FBN1: variants seen among roughly 807,000 people sequenced by gnomAD.
FBN1 encodes fibrillin 1, also known as fibrillin-1.
Under a neutral mutation model 365.1 loss-of-function variants are expected in FBN1, and 29 were observed. That is an observed-to-expected ratio of 0.08 (90% CI 0.06 to 0.11). The LOEUF (loss-of-function observed/expected upper bound fraction) is 0.11. Ranked by LOEUF, FBN1 falls within the 10% of genes least tolerant of loss-of-function variation. The pLI is 1.00. For missense variants in FBN1, 2,476 were observed against 3,703.2 expected (o/e 0.67, Z 8.60); for synonymous variants, 1,210 against 1,270.5 (o/e 0.95, Z 1.01).
At chr15:48,505,182 T>C in intron 15 of FBN1, 35 bp from the exon 16 acceptor site, 1 of 1,613,450 alleles carries the variant, frequency 6.2e-7, no homozygotes, top group Non-Finnish European at 8.5e-7. Context: ...AAAAATGAAG[T>C]GACATTTATC....
In FBN1 at chr15:48,410,901, T is replaced by C; in HGVS notation, c.*89A>G. On this transcript the variant is annotated 3_prime_UTR_variant, in exon 66 of 66. Transcript: ENST00000316623. ...AATTTACTTGGTGAAAGATTGTACC[T>C]ATGATATGATGATTCTGATTGGGGG... 3 of 1,233,146 alleles carry C rather than the reference T, an allele frequency of 2.4e-6. No individual in the cohort carries two copies. The highest frequency in any genetic ancestry group is 3.5e-6 in the Non-Finnish European group (3 of 863,824). 76.4% of individuals were successfully genotyped at this position (1,233,146 alleles called of 1,614,324 possible).
chr15:48,524,341 CT>C (rs2141341031), intron 9 of FBN1, among the ~76,000 whole-genome samples: 1 of 152,296 alleles, frequency 6.6e-6, no homozygotes, highest in South Asian at 2.1e-4. Context: ...CTGCATACCA[CT>C]ATCTACATAG....
At chr15:48,571,614 G>C (rs2044306061) in intron 6 of FBN1, among the ~76,000 whole-genome samples, 1 of 152,100 alleles carries the variant, frequency 6.6e-6, no homozygotes, top group Non-Finnish European at 1.5e-5. Flanking sequence ...GAATAAGCAA[G>C]GATTTTTCTT....
chr15:48,432,772 T>G lies in FBN1; in HGVS notation c.6739+94A>C. On this transcript the variant is annotated intron_variant, in intron 55 of 65. Transcript: ENST00000316623. ...GTCCACGGACTATTTATATTCCAAT[T>G]CCCAGCCTTCTCCTACTAAGGGAAG... 4 of 1,495,288 alleles carry G rather than the reference T, an allele frequency of 2.7e-6. 1 individual carries two copies. In the South Asian group the frequency reaches 4.5e-5, roughly 17 times the overall value. The allele number at this position is 1,495,288 out of a possible 1,614,324, so 92.6% of individuals were successfully genotyped here.
In FBN1 at chr15:48,456,874, G is replaced by A. The variant is rs138943070; in HGVS notation, c.5297-112C>T. The A allele has an allele frequency of 1.1e-3, 1,163 of 1,066,160 alleles. 14 individuals are homozygous for A. The African/African-American group carries it at 0.016, about 15-fold the overall frequency. 66.0% of individuals were successfully genotyped at this position (1,066,160 alleles called of 1,614,324 possible). On this transcript the variant is annotated intron_variant, in intron 43 of 65. Transcript: ENST00000316623. ...TGTGTGTGTGTGTGTGTGTGTGTGC[G>A]TGCATGTGTTGGGGTGGTGGTGATG...
Position 48,441,884 on chromosome 15 carries a change from G to A in FBN1, c.6038-38C>T, listed in dbSNP as rs113682441. The A allele has an allele frequency of 3.0e-5, 49 of 1,609,382 alleles. No individual in the cohort carries two copies. In the African/African-American group the frequency reaches 3.1e-4, roughly 10 times the overall value. ...CATGAGTCAAACAAAGTCAAAACACGATGGAGACATCATCAGGTACCAAAC... is the reference window on the plus strand; with the variant it reads ...CATGAGTCAAACAAAGTCAAAACACAATGGAGACATCATCAGGTACCAAAC... On this transcript the variant is annotated intron_variant, in intron 49 of 65. Coordinates refer to ENST00000316623, the MANE Select transcript of FBN1 (RefSeq NM_000138.5).
intron 24 of FBN1, among the ~76,000 whole-genome samples, chr15:48,491,131 C>T (rs1240356787): frequency 6.6e-6 from 1 of 152,152 alleles, no homozygotes; most frequent in Non-Finnish European, 1.5e-5. Flanking sequence ...AGAAGATTCT[C>T]ATTAAATACT....
At chr15:48,625,768 G>C (rs1328615960) in intron 2 of FBN1, among the ~76,000 whole-genome samples, 6 of 152,170 alleles carry the variant, frequency 3.9e-5, no homozygotes, top group Non-Finnish European at 8.8e-5. Flanking sequence ...ATCCTATTTG[G>C]TGACTTTAGT....
chr15:48,456,841 T>TGA, intron 43 of FBN1, 79 bp from the exon 44 acceptor site: 3 of 1,297,968 alleles, frequency 2.3e-6, no homozygotes, highest in Non-Finnish European at 3.2e-6. Context: ...GGAAAGTGCG[T>TGA]GCGTGTGTGT....
At chr15:48,426,238 A>C (rs1175817933) in intron 58 of FBN1, among the ~76,000 whole-genome samples, 1 of 152,226 alleles carries the variant, frequency 6.6e-6, no homozygotes, top group East Asian at 1.9e-4. Flanking sequence ...AATGAATCAC[A>C]GAAGCAGATC....
At chr15:48,434,916 C>A (rs2141237433) in intron 53 of FBN1, among the ~76,000 whole-genome samples, 1 of 152,258 alleles carries the variant, frequency 6.6e-6, no homozygotes. Flanking sequence ...CATGCCTCAG[C>A]CTCCTGAGTA....
At chr15:48,488,558 C>G in intron 25 of FBN1, 65 bp from the exon 26 acceptor site, 1 of 1,572,378 alleles carries the variant, frequency 6.4e-7, no homozygotes, top group Non-Finnish European at 8.7e-7. Flanking sequence ...GGTCTCAATG[C>G]CCACCATTTT....
chr15:48,607,527 TA>T (rs11417261), intron 4 of FBN1, among the ~76,000 whole-genome samples: 29 of 146,526 alleles, frequency 2.0e-4, no homozygotes, highest in Middle Eastern at 3.5e-3. Context: ...AGTATCCTTA[TA>T]AAAAAAAAAG....
In FBN1 at chr15:48,463,032, T is replaced by C. The variant is rs772418637; in HGVS notation, c.5224+50A>G. 1.2e-5 allele frequency: 18 copies of C among 1,555,570 alleles called. No individual in the cohort carries two copies. The African/African-American group carries it at 1.2e-4, about 11-fold the overall frequency. On this transcript the variant is annotated intron_variant, in intron 42 of 65. Transcript: ENST00000316623. Reference sequence around the variant, plus strand: ...TAAGACTGATTTCCCCAACAATTCATGGGTAATTTTTCAACCTATATTTTT... The same window carrying C: ...TAAGACTGATTTCCCCAACAATTCACGGGTAATTTTTCAACCTATATTTTT...
At chr15:48,473,888 A>T (rs548584910) in intron 34 of FBN1, among the ~76,000 whole-genome samples, 1 of 152,342 alleles carries the variant, frequency 6.6e-6, no homozygotes, top group Admixed American at 6.5e-5. Context: ...CATTATATAC[A>T]GTCATATAAT....
chr15:48,421,141 C>T (rs1020938001), intron 62 of FBN1, among the ~76,000 whole-genome samples: 8 of 151,846 alleles, frequency 5.3e-5, no homozygotes, highest in African/African-American at 1.9e-4. Flanking sequence ...AAGCCACAGT[C>T]AACTTCTAAA....
At chr15:48,612,931 G>A in intron 3 of FBN1, 79 bp downstream of exon 3, 1 of 1,012,772 alleles carries the variant, frequency 9.9e-7, no homozygotes, top group Non-Finnish European at 1.6e-6. Flanking sequence ...AGTTACAAAA[G>A]GCCACATTCT....
chr15:48,572,711 C>G (rs1157455411), intron 6 of FBN1, among the ~76,000 whole-genome samples: 11 of 152,010 alleles, frequency 7.2e-5, no homozygotes, highest in Admixed American at 6.6e-5. Context: ...AACTCTAGCA[C>G]AAATTCATGA....
intron 10 of FBN1, among the ~76,000 whole-genome samples, chr15:48,518,056 G>T (rs927188871): frequency 6.6e-6 from 1 of 152,138 alleles, no homozygotes; most frequent in Admixed American, 6.5e-5. Flanking sequence ...TATGTTTTCA[G>T]ATAATTCTCT....
Sources: gnomAD v4.1 joint callset for allele counts (sites outside exome capture counted in the v4.1 genomes callset) on GRCh38, gnomAD v4.1.1 for gene constraint, MANE v1.5 for transcripts, NCBI Gene and HGNC (gene_info 2026-07-23, HGNC 2026-07-21) for gene names.